RAB39B: variants seen among roughly 807,000 people sequenced by gnomAD.
RAB39B encodes RAB39B, member RAS oncogene family.
For synonymous variants in RAB39B, 63 were observed against 67.5 expected, an observed-to-expected ratio of 0.93 and a Z score of 0.33; for missense variants, 68 against 171.3, an observed-to-expected ratio of 0.40 and a Z score of 3.37.
At chrX:155,262,473 T>C (rs2074856875) in intron 1 of RAB39B, among the ~76,000 whole-genome samples, 1 of 112,372 alleles carries the variant, frequency 8.9e-6, no homozygotes, top group South Asian at 3.6e-4. Flanking sequence ...AACAAAGGTT[T>C]TGATTTGTGA....
Position 155,258,418 on chromosome X carries a change from T to G in RAB39B, c.*2385A>C, listed in dbSNP as rs2074841247. 8.9e-6 allele frequency: 1 copy of G among 112,845 alleles called. No individual in the cohort carries two copies. The highest frequency in any genetic ancestry group is 1.9e-5 in the Non-Finnish European group (1 of 53,354). The allele number at this position is 112,845 out of a possible 1,213,427, so 9.3% of individuals were successfully genotyped here. A position where few individuals can be genotyped will look rare whatever the true frequency, so the allele number is the denominator to read the frequency against. On this transcript the variant is annotated 3_prime_UTR_variant, in exon 2 of 2. Transcript: ENST00000369454. The stretch of plus-strand genomic sequence containing the variant: ...TGCAGTTGTGGTCTTTGTTACAAGT[T>G]AGTTTATCTTTTCTTTACCTATGTA...
chrX:155,261,313 G>A, intron 1 of RAB39B, 84 bp from the exon 2 acceptor site: 1 of 706,191 alleles, frequency 1.4e-6, no homozygotes, highest in Non-Finnish European at 2.2e-6. Context: ...AAGTGTTCCT[G>A]GTTAGTGACA....
In RAB39B at chrX:155,260,739, T is replaced by A; in HGVS notation, c.*64A>T. The A allele has an allele frequency of 9.3e-7, 1 of 1,070,915 alleles. No homozygotes were observed. The highest frequency in any genetic ancestry group is 1.3e-6 in the Non-Finnish European group (1 of 767,746). The allele number at this position is 1,070,915 out of a possible 1,213,427, so 88.3% of individuals were successfully genotyped here. A position where few individuals can be genotyped will look rare whatever the true frequency, so the allele number is the denominator to read the frequency against. ...GAGTTCTCATCAGTTACACAAAGAT[T>A]CTATTTATTTCTCTTACTTTTCAGT... On this transcript the variant is annotated 3_prime_UTR_variant, in exon 2 of 2. Coordinates refer to ENST00000369454, the MANE Select transcript of RAB39B (RefSeq NM_171998.4).
At position 155,259,806 on chromosome X, in the gene RAB39B, C is replaced by T. The variant is rs1197767018; in HGVS notation, c.*997G>A. 8.9e-6 allele frequency: 1 copy of T among 112,132 alleles called. No individual in the cohort carries two copies. Among genetic ancestry groups the T allele is most frequent in the Admixed American group, 9.4e-5 (1 of 10,627 alleles). The allele number at this position is 112,132 out of a possible 1,213,427, so 9.2% of individuals were successfully genotyped here. ...CCCTGGCCAAGTGATTTTCATGGCT[C>T]TTAGTTTACTATTCTGTAAAATGGG... On this transcript the variant is annotated 3_prime_UTR_variant, in exon 2 of 2. Coordinates refer to ENST00000369454, the MANE Select transcript of RAB39B (RefSeq NM_171998.4).
chrX:155,263,193 T>C (rs1488189461), intron 1 of RAB39B, among the ~76,000 whole-genome samples: 1 of 112,158 alleles, frequency 8.9e-6, no homozygotes, highest in Non-Finnish European at 1.9e-5. Context: ...CTGTCTTTGC[T>C]TAGGCAGTCA....
At chrX:155,261,836 GTTT>G (rs1365394712) in intron 1 of RAB39B, among the ~76,000 whole-genome samples, 1 of 106,855 alleles carries the variant, frequency 9.4e-6, no homozygotes, top group Non-Finnish European at 1.9e-5. Context: ...TATTATTATT[GTTT>G]ATTATTATTA....
At position 155,259,653 on chromosome X, in the gene RAB39B, C is replaced by T. The variant is rs1342631604; in HGVS notation, c.*1150G>A. ...GCTGAGTTGTAATCAATAAGGAAAA[C>T]ATATCCTAACATGTAGAGAACATTT... On this transcript the variant is annotated 3_prime_UTR_variant, in exon 2 of 2. Transcript: ENST00000369454. The T allele has an allele frequency of 1.8e-5, 2 of 112,082 alleles. No individual in the cohort carries two copies. Among genetic ancestry groups the T allele is most frequent in the African/African-American group, 6.5e-5 (2 of 30,829 alleles). 9.2% of individuals were successfully genotyped at this position (112,082 alleles called of 1,213,427 possible). A position where few individuals can be genotyped will look rare whatever the true frequency, so the allele number is the denominator to read the frequency against.
In RAB39B at chrX:155,263,998, G is replaced by T. The variant is rs1031777503; in HGVS notation, c.215+76C>A. On this transcript the variant is annotated intron_variant, in intron 1 of 1. Coordinates refer to ENST00000369454, the MANE Select transcript of RAB39B (RefSeq NM_171998.4). ...CCTCCTGGACCGCACCTAGAACCAG[G>T]AAGTCCTCTCTCCCCAGAGGCGGTG... The T allele has an allele frequency of 1.2e-5, 12 of 969,551 alleles. No homozygotes were observed. In the Admixed American group the frequency reaches 2.2e-4, roughly 18 times the overall value. 79.9% of individuals were successfully genotyped at this position (969,551 alleles called of 1,213,427 possible). A position where few individuals can be genotyped will look rare whatever the true frequency, so the allele number is the denominator to read the frequency against.
In RAB39B at chrX:155,259,487, T is replaced by C. The variant is rs2074845247; in HGVS notation, c.*1316A>G. ...CCTTTCAATAAAAATCCACTGTGTC[T>C]CAGTGATAAGAACACTTATAGCCCA... On this transcript the variant is annotated 3_prime_UTR_variant, in exon 2 of 2. Coordinates refer to ENST00000369454, the MANE Select transcript of RAB39B (RefSeq NM_171998.4). 2 of 111,765 alleles carry C rather than the reference T, an allele frequency of 1.8e-5. No homozygotes were observed. The highest frequency in any genetic ancestry group is 1.9e-5 in the Non-Finnish European group (1 of 53,214). The allele number at this position is 111,765 out of a possible 1,213,427, so 9.2% of individuals were successfully genotyped here.
At position 155,259,142 on chromosome X, in the gene RAB39B, A is replaced by G. The variant is rs1183600006; in HGVS notation, c.*1661T>C. On this transcript the variant is annotated 3_prime_UTR_variant, in exon 2 of 2. Coordinates refer to ENST00000369454, the MANE Select transcript of RAB39B (RefSeq NM_171998.4). ...CGATTTGCCATTCTTAGGCCTTCCT[A>G]TCACAATGGATATGAGAAACCTGAC... 2.7e-5 allele frequency: 3 copies of G among 112,210 alleles called. No homozygotes were observed. The highest frequency in any genetic ancestry group is 9.7e-5 in the African/African-American group (3 of 30,913). 9.2% of individuals were successfully genotyped at this position (112,210 alleles called of 1,213,427 possible). A position where few individuals can be genotyped will look rare whatever the true frequency, so the allele number is the denominator to read the frequency against.
chrX:155,263,029 G>A (rs1221062122), intron 1 of RAB39B, among the ~76,000 whole-genome samples: 1 of 112,196 alleles, frequency 8.9e-6, no homozygotes, highest in Non-Finnish European at 1.9e-5. Context: ...AGATAAATGA[G>A]TAAATGATCA....
Position 155,260,777 on chromosome X carries a change from G to GTT in RAB39B, c.*25_*26insAA, listed in dbSNP as rs781891983. 6.8e-6 allele frequency: 8 copies of GTT among 1,179,823 alleles called. No homozygotes were observed. The highest frequency in any genetic ancestry group is 9.2e-6 in the Non-Finnish European group (8 of 866,312). ...CTTACTTTTCAGTTCAAGTAGGAGA[G>GTT]CATGTTTTGGAAATAAAAGAACTGA... is the stretch of plus-strand genomic sequence containing the variant. On this transcript the variant is annotated 3_prime_UTR_variant, in exon 2 of 2. Transcript: ENST00000369454.
At chrX:155,263,794 G>A (rs1187539315) in intron 1 of RAB39B, among the ~76,000 whole-genome samples, 2 of 112,369 alleles carry the variant, frequency 1.8e-5, no homozygotes, top group Admixed American at 1.9e-4. Flanking sequence ...ATGAATTACA[G>A]ATACAGAGAT....
chrX:155,260,953 G>A lies in RAB39B; in HGVS notation c.492C>T (p.Phe164=), dbSNP rs782453421. 8.4e-5 allele frequency: 102 copies of A among 1,209,549 alleles called. No individual in the cohort carries two copies. The highest frequency in any genetic ancestry group is 1.1e-4 in the Non-Finnish European group (101 of 895,121). ...ARDAINVEKA[F]TDLTRDIYEL... ...CATATATGTCTCTTGTCAGGTCTGT[G>A]AAGGCTTTCTCCACATTAATGGCAT... The change falls in exon 2 of 2, where the codon TTC becomes TTT. Residue 164 remains phenylalanine, a synonymous_variant. Coordinates refer to ENST00000369454, the MANE Select transcript of RAB39B (RefSeq NM_171998.4).
intron 1 of RAB39B, among the ~76,000 whole-genome samples, chrX:155,261,849 A>G (rs2074855179): frequency 9.3e-6 from 1 of 107,710 alleles, no homozygotes. Flanking sequence ...TATTATTATT[A>G]TTATTATTAT....
rs2074841734 is a variant in RAB39B at position 155,258,566 on chromosome X, A to T, written c.*2237T>A. ...ACTGAATTCTACTAAAATGATTTTT[A>T]AATTTTCTAGAACTTATTTAAGCAA... On this transcript the variant is annotated 3_prime_UTR_variant, in exon 2 of 2. Coordinates refer to ENST00000369454, the MANE Select transcript of RAB39B (RefSeq NM_171998.4). 8.9e-6 allele frequency: 1 copy of T among 112,729 alleles called. No homozygotes were observed. Among genetic ancestry groups the T allele is most frequent in the African/African-American group, 3.2e-5 (1 of 31,037 alleles). 9.3% of individuals were successfully genotyped at this position (112,729 alleles called of 1,213,427 possible).
In RAB39B at chrX:155,259,803, GCT is replaced by G. The variant is rs1483245211; in HGVS notation, c.*998_*999del. 3 of 112,147 alleles carry G rather than the reference GCT, an allele frequency of 2.7e-5. No homozygotes were observed. Among genetic ancestry groups the G allele is most frequent in the Non-Finnish European group, 5.6e-5 (3 of 53,217 alleles). 9.2% of individuals were successfully genotyped at this position (112,147 alleles called of 1,213,427 possible). A position where few individuals can be genotyped will look rare whatever the true frequency, so the allele number is the denominator to read the frequency against. On this transcript the variant is annotated 3_prime_UTR_variant, in exon 2 of 2. Coordinates refer to ENST00000369454, the MANE Select transcript of RAB39B (RefSeq NM_171998.4). ...TGACCCTGGCCAAGTGATTTTCATGGCTCTTAGTTTACTATTCTGTAAAATGG... is the reference window on the plus strand; with the variant it reads ...TGACCCTGGCCAAGTGATTTTCATGGCTTAGTTTACTATTCTGTAAAATGG...
chrX:155,263,955 C>G (rs1008339567), intron 1 of RAB39B, 119 bp downstream of exon 1: 8 of 700,866 alleles, frequency 1.1e-5, no homozygotes, highest in Non-Finnish European at 1.8e-5. Context: ...GCAGAATCCT[C>G]AAGACCCTTG....
chrX:155,262,673 G>A lies in RAB39B; in HGVS notation c.215+1401C>T, dbSNP rs192316095. On this transcript the variant is annotated intron_variant, in intron 1 of 1. Transcript: ENST00000369454. ...AAATCTTAAATAATGTGAAAAGACA[G>A]ATGATAAACTAGGAATATATCTTAC... Among the ~76,000 whole-genome samples the A allele has an allele frequency of 2.6e-3, 287 of 112,242 alleles. 1 individual carries two copies. Among genetic ancestry groups the A allele is most frequent in the African/African-American group, 9.1e-3 (280 of 30,901 alleles).
Sources: gnomAD v4.1 joint callset for allele counts (sites outside exome capture counted in the v4.1 genomes callset) on GRCh38, gnomAD v4.1.1 for gene constraint, MANE v1.5 for transcripts, NCBI Gene and HGNC (gene_info 2026-07-23, HGNC 2026-07-21) for gene names.